DACH1: variants seen among roughly 807,000 people sequenced by gnomAD.
DACH1 encodes the protein dachshund homolog 1.
DACH1 carries 12 observed loss-of-function variants against 54.2 expected under a neutral mutation model. That is an observed-to-expected ratio of 0.22 (90% CI 0.14 to 0.36). DACH1 has a LOEUF of 0.36. Ranked by LOEUF, DACH1 falls within the 10% of genes least tolerant of loss-of-function variation. The pLI, the probability that DACH1 is intolerant of heterozygous loss-of-function variation, is 1.00. For synonymous variants in DACH1, 386 were observed against 366.2 expected, an observed-to-expected ratio of 1.05 and a Z score of -0.62; for missense variants, 805 against 929.8, an observed-to-expected ratio of 0.87 and a Z score of 1.75.
At chr13:71,666,462 T>C (rs1334853169) in intron 2 of DACH1, among the ~76,000 whole-genome samples, 1 of 152,208 alleles carries the variant, frequency 6.6e-6, no homozygotes, top group Non-Finnish European at 1.5e-5. Flanking sequence ...ATAAGCCTTT[T>C]AAAAATTATT....
At chr13:71,832,945 G>A (rs1394724728) in intron 1 of DACH1, among the ~76,000 whole-genome samples, 1 of 151,806 alleles carries the variant, frequency 6.6e-6, no homozygotes, top group Non-Finnish European at 1.5e-5. Flanking sequence ...AGACAATTAA[G>A]TAAAACAATC....
chr13:71,861,907 C>CAAAAA (rs71126514), intron 1 of DACH1, among the ~76,000 whole-genome samples: 25 of 86,324 alleles, frequency 2.9e-4, no homozygotes, highest in Middle Eastern at 8.9e-3. Context: ...AACTCCTAAC[C>CAAAAA]AAAAAAAAAA....
intron 1 of DACH1, among the ~76,000 whole-genome samples, chr13:71,758,140 T>A (rs1445414626): frequency 6.6e-6 from 1 of 152,050 alleles, no homozygotes; most frequent in Non-Finnish European, 1.5e-5. Context: ...CCATGGCCAT[T>A]GCTCAAAGTT....
intron 1 of DACH1, among the ~76,000 whole-genome samples, chr13:71,826,852 C>G (rs1351123961): frequency 1.3e-5 from 2 of 151,986 alleles, no homozygotes; most frequent in African/African-American, 4.8e-5. Flanking sequence ...CTGTTGACTG[C>G]TCAACTGGGG....
At chr13:71,845,791 T>C (rs901620919) in intron 1 of DACH1, among the ~76,000 whole-genome samples, 1 of 152,220 alleles carries the variant, frequency 6.6e-6, no homozygotes, top group African/African-American at 2.4e-5. Flanking sequence ...TCTGAAGATA[T>C]AAATTAGATT....
At chr13:71,864,989 AAG>A (rs1874625571) in intron 1 of DACH1, among the ~76,000 whole-genome samples, 1 of 152,114 alleles carries the variant, frequency 6.6e-6, no homozygotes, top group Non-Finnish European at 1.5e-5. Flanking sequence ...TTTGGAGAGA[AAG>A]AGACAGAGAA....
At chr13:71,817,846 G>A (rs111737754) in intron 1 of DACH1, among the ~76,000 whole-genome samples, 2,215 of 118,158 alleles carry the variant, frequency 0.019, 54 homozygotes, top group African/African-American at 0.068. Flanking sequence ...ACAGGGTCTC[G>A]CTCTGTCACC....
chr13:71,514,495 A>C (rs906564867), intron 6 of DACH1, among the ~76,000 whole-genome samples: 4 of 151,898 alleles, frequency 2.6e-5, no homozygotes, highest in East Asian at 1.9e-4. Context: ...AAATGAATAA[A>C]CTTTGTAGGG....
chr13:71,783,044 G>A (rs1886449916), intron 1 of DACH1, among the ~76,000 whole-genome samples: 1 of 152,186 alleles, frequency 6.6e-6, no homozygotes, highest in Non-Finnish European at 1.5e-5. Flanking sequence ...GGCATTGACA[G>A]TGAAAGATAA....
chr13:71,557,044 T>G lies in DACH1; in HGVS notation c.1550A>C (p.Lys517Thr). The part of the protein sequence containing the change: ...LAGHDMGHES[K>T]RMHIEKDETP... ...ATTACCTTTTTCAATATGCATCCTTTTTGACTCATGTCCCATGTCATGACC... is the reference window on the plus strand; with the variant it reads ...ATTACCTTTTTCAATATGCATCCTTGTTGACTCATGTCCCATGTCATGACC... Residue 517 changes from lysine (K) to threonine (T), a missense_variant, in exon 6 of 11, where the codon AAA becomes ACA. Physicochemically the swap from Lys to Thr is moderately conservative, Grantham distance 78. This residue lies in a region of DACH1 where 472 missense variants were observed against 545.3 expected (regional missense o/e 0.87). Transcript: ENST00000613252. The G allele has an allele frequency of 1.2e-6, 2 of 1,604,976 alleles. No individual in the cohort carries two copies. The highest frequency in any genetic ancestry group is 2.7e-5 in the African/African-American group (2 of 74,174).
At chr13:71,844,696 C>A (rs1873106869) in intron 1 of DACH1, among the ~76,000 whole-genome samples, 1 of 152,124 alleles carries the variant, frequency 6.6e-6, no homozygotes, top group Admixed American at 6.6e-5. Context: ...ACTTCCATCA[C>A]TTCCCCTATA....
intron 1 of DACH1, among the ~76,000 whole-genome samples, chr13:71,732,820 C>T (rs73523489): frequency 2.0e-5 from 3 of 152,064 alleles, no homozygotes; most frequent in South Asian, 4.1e-4. Context: ...ACTATCTAAC[C>T]GTCTCTAGAA....
intron 1 of DACH1, among the ~76,000 whole-genome samples, chr13:71,848,473 G>A (rs17195385): frequency 0.26 from 40,123 of 151,854 alleles, 6,586 homozygotes; most frequent in Middle Eastern, 0.43. Context: ...ATTTTTCTTC[G>A]TGCTTTGTAA....
At chr13:71,653,447 G>A (rs1235361755) in intron 2 of DACH1, among the ~76,000 whole-genome samples, 1 of 152,190 alleles carries the variant, frequency 6.6e-6, no homozygotes, top group East Asian at 1.9e-4. Context: ...TATCTCAGAA[G>A]GCTCTTTGAA....
chr13:71,686,069 C>G (rs918417063), intron 1 of DACH1, among the ~76,000 whole-genome samples: 1 of 152,196 alleles, frequency 6.6e-6, no homozygotes, highest in Non-Finnish European at 1.5e-5. Context: ...CGACCCATTT[C>G]TATCCCAGAG....
chr13:71,637,493 A>T (rs1302204642), intron 2 of DACH1, among the ~76,000 whole-genome samples: 5 of 152,170 alleles, frequency 3.3e-5, no homozygotes, highest in Non-Finnish European at 7.3e-5. Flanking sequence ...GTTTCCATCA[A>T]ATCATTGGAT....
chr13:71,671,310 G>A (rs531762780), intron 2 of DACH1, among the ~76,000 whole-genome samples: 3 of 151,770 alleles, frequency 2.0e-5, no homozygotes, highest in Non-Finnish European at 2.9e-5. Context: ...AAAAGTATCC[G>A]TTAGCTTTAC....
At chr13:71,642,706 C>T (rs1362753254) in intron 2 of DACH1, among the ~76,000 whole-genome samples, 5 of 152,112 alleles carry the variant, frequency 3.3e-5, no homozygotes, top group African/African-American at 9.6e-5. Flanking sequence ...AAAGACTGAA[C>T]TCCCATGGAT....
intron 1 of DACH1, among the ~76,000 whole-genome samples, chr13:71,816,037 A>G (rs1279017265): frequency 6.6e-6 from 1 of 151,984 alleles, no homozygotes; most frequent in Non-Finnish European, 1.5e-5. Flanking sequence ...GTGAGCCGAG[A>G]TCGCGCCACT....
Sources: allele counts gnomAD v4.1 joint callset (sites outside exome capture counted in the v4.1 genomes callset), GRCh38; gene constraint gnomAD v4.1.1; regional missense constraint gnomAD v4.1.1; transcripts MANE v1.5; gene names NCBI Gene and HGNC (gene_info 2026-07-23, HGNC 2026-07-21).